AFF3: variants seen among roughly 807,000 people sequenced by gnomAD.
AFF3 encodes the protein AF4/FMR2 family member 3.
AFF3 carries 32 observed loss-of-function variants against 129.7 expected under a neutral mutation model. That is an observed-to-expected ratio of 0.25 (90% CI 0.19 to 0.33). The LOEUF is 0.33. Ranked by LOEUF, AFF3 falls within the 10% of genes least tolerant of loss-of-function variation. The pLI is 1.00. For synonymous variants in AFF3, 644 were observed against 635.4 expected (o/e 1.01, Z -0.20); for missense variants, 1,373 against 1,592.0 (o/e 0.86, Z 2.34).
chr2:99,685,201 A>G (rs1426922524), intron 11 of AFF3, among the ~76,000 whole-genome samples: 1 of 152,166 alleles, frequency 6.6e-6, no homozygotes, highest in African/African-American at 2.4e-5. Flanking sequence ...TCAGACTCCC[A>G]AAGTGCTGGG....
intron 7 of AFF3, among the ~76,000 whole-genome samples, chr2:99,880,510 C>T (rs762458852): frequency 6.6e-6 from 1 of 152,162 alleles, no homozygotes; most frequent in Non-Finnish European, 1.5e-5. Flanking sequence ...GCTTGACAGG[C>T]GGCCATGGGA....
At chr2:99,986,938 G>A (rs1576486075) in intron 7 of AFF3, among the ~76,000 whole-genome samples, 1 of 152,156 alleles carries the variant, frequency 6.6e-6, no homozygotes. Flanking sequence ...TAATGATGAG[G>A]GTGGTGATAA....
In AFF3 at chr2:99,548,908, C is replaced by CA. The variant is rs1674218288; in HGVS notation, c.*2565dup. The CA allele has an allele frequency of 4.3e-6, 1 of 232,354 alleles. No homozygotes were observed. Among genetic ancestry groups the CA allele is most frequent in the South Asian group, 1.8e-4 (1 of 5,526 alleles). The allele number at this position is 232,354 out of a possible 1,614,324, so 14.4% of individuals were successfully genotyped here. On this transcript the variant is annotated 3_prime_UTR_variant, in exon 25 of 25. Coordinates refer to ENST00000672756, the MANE Select transcript of AFF3 (RefSeq NM_001386135.1). ...ACCAACGTGCTCCACACGTGCTCCA[C>CA]AGATGAAACAAGACAGTCATAAGAA...
chr2:100,139,004 A>G (rs1178058210), intron 1 of AFF3, among the ~76,000 whole-genome samples: 3 of 151,402 alleles, frequency 2.0e-5, no homozygotes, highest in African/African-American at 7.3e-5. Context: ...GAAGTTATGC[A>G]TCATTACATT....
intron 7 of AFF3, among the ~76,000 whole-genome samples, chr2:99,908,979 A>G (rs577846589): frequency 0.017 from 2,651 of 152,330 alleles, 165 homozygotes; most frequent in Admixed American, 0.12. Context: ...CAGCCATCCC[A>G]TTACTGGGTA....
At chr2:99,737,934 C>T (rs1262495799) in intron 10 of AFF3, among the ~76,000 whole-genome samples, 2 of 150,784 alleles carry the variant, frequency 1.3e-5, no homozygotes, top group African/African-American at 4.9e-5. Flanking sequence ...GCTGTTACAT[C>T]TGCCCATGGA....
intron 8 of AFF3, among the ~76,000 whole-genome samples, chr2:99,805,629 C>T (rs947266917): frequency 1.3e-5 from 2 of 152,166 alleles, no homozygotes; most frequent in Non-Finnish European, 2.9e-5. Context: ...GCCGAGTATG[C>T]TCTGTGCAGG....
chr2:99,572,486 G>A, intron 18 of AFF3: 1 of 409,252 alleles, frequency 2.4e-6, no homozygotes, highest in Non-Finnish European at 4.9e-6. Context: ...CTACCTCTGT[G>A]AAATGCCGCC....
chr2:99,927,923 T>A (rs1183057804), intron 7 of AFF3, among the ~76,000 whole-genome samples: 2 of 152,134 alleles, frequency 1.3e-5, no homozygotes, highest in Non-Finnish European at 1.5e-5. Context: ...GATGACTGAA[T>A]CACAGGGACA....
At chr2:99,632,518 C>T (rs868632092) in intron 13 of AFF3, among the ~76,000 whole-genome samples, 41 of 152,202 alleles carry the variant, frequency 2.7e-4, no homozygotes, top group Middle Eastern at 3.4e-3. Context: ...GGGCATCACA[C>T]GGGGAGTGGT....
chr2:99,987,691 T>C (rs1679989706), intron 7 of AFF3, among the ~76,000 whole-genome samples: 1 of 152,214 alleles, frequency 6.6e-6, no homozygotes, highest in Non-Finnish European at 1.5e-5. Flanking sequence ...TACACTCTCC[T>C]ACCTATCATC....
At chr2:99,996,798 T>C (rs1160840511) in intron 7 of AFF3, among the ~76,000 whole-genome samples, 5 of 152,124 alleles carry the variant, frequency 3.3e-5, no homozygotes, top group Non-Finnish European at 7.4e-5. Flanking sequence ...CTCTAATTCC[T>C]CTTCTTGCTT....
rs372356451 is a variant in AFF3, at chr2:99,578,314, C to T, written c.2918+13G>A. 6.0e-5 allele frequency: 95 copies of T among 1,592,608 alleles called. No homozygotes were observed. In the African/African-American group the frequency reaches 1.0e-3, roughly 17 times the overall value. On this transcript the variant is annotated intron_variant, in intron 18 of 24. Coordinates refer to ENST00000672756, the MANE Select transcript of AFF3 (RefSeq NM_001386135.1). ...TCTTGCCCCTCACCACATTTAAAAGCGTCTGAACTTACATATCATCGAAGA... is the reference window on the plus strand; with the variant it reads ...TCTTGCCCCTCACCACATTTAAAAGTGTCTGAACTTACATATCATCGAAGA...
chr2:100,105,952 CTG>C, intron 2 of AFF3: 2 of 1,327,936 alleles, frequency 1.5e-6, no homozygotes, highest in Non-Finnish European at 2.0e-6. Context: ...GAACCGCTGA[CTG>C]GGGCTGCCAG....
chr2:99,959,028 A>G (rs1422277587), intron 7 of AFF3, among the ~76,000 whole-genome samples: 1 of 151,982 alleles, frequency 6.6e-6, no homozygotes, highest in African/African-American at 2.4e-5. Flanking sequence ...GTCCAGGAGT[A>G]TGAGGCTGCA....
chr2:99,980,573 C>T (rs1372850887), intron 7 of AFF3, among the ~76,000 whole-genome samples: 1 of 152,210 alleles, frequency 6.6e-6, no homozygotes, highest in Non-Finnish European at 1.5e-5. Flanking sequence ...TGCCAGGTTT[C>T]TTGGCCTTAA....
chr2:99,734,290 C>A (rs1335057321), intron 10 of AFF3, among the ~76,000 whole-genome samples: 2 of 152,078 alleles, frequency 1.3e-5, no homozygotes, highest in Non-Finnish European at 2.9e-5. Flanking sequence ...TCCTAATAAT[C>A]TGTAGATTCT....
intron 17 of AFF3, among the ~76,000 whole-genome samples, chr2:99,581,216 A>G (rs1045233618): frequency 6.6e-6 from 1 of 152,234 alleles, no homozygotes; most frequent in African/African-American, 2.4e-5. Context: ...CAATTGGTTT[A>G]TAGTTCTCTG....
chr2:99,695,526 A>T (rs968865047), intron 11 of AFF3, among the ~76,000 whole-genome samples: 3 of 152,168 alleles, frequency 2.0e-5, no homozygotes, highest in Admixed American at 6.6e-5. Flanking sequence ...AGGGGAAAAA[A>T]ATCTGGGAAA....
Sources: allele counts gnomAD v4.1 joint callset (sites outside exome capture counted in the v4.1 genomes callset), GRCh38; gene constraint gnomAD v4.1.1; transcripts MANE v1.5; gene names NCBI Gene and HGNC (gene_info 2026-07-23, HGNC 2026-07-21).